Variants in PCDH15 observed in about 807,000 individuals in gnomAD.
The protein encoded by PCDH15 is protocadherin-15.
A neutral mutation model predicts 178.5 loss-of-function variants in PCDH15; 129 were observed. The observed-to-expected ratio is 0.72, with a 90% CI of 0.63 to 0.84. PCDH15 has a LOEUF of 0.84. Among genes scored for constraint, PCDH15 ranks in the 40% least tolerant of loss-of-function variants. The pLI, the probability that PCDH15 is intolerant of heterozygous loss-of-function variation, is 0.00. For missense variants in PCDH15, 2,230 were observed against 2,099.9 expected (o/e 1.06, Z -1.21); for synonymous variants, 800 against 732.0 (o/e 1.09, Z -1.50).
At chr10:55,443,019 A>G (rs949181833) in intron 2 of PCDH15, among the ~76,000 whole-genome samples, 1 of 152,074 alleles carries the variant, frequency 6.6e-6, no homozygotes, top group Admixed American at 6.6e-5. Flanking sequence ...TCATAAATGA[A>G]AAGTGCTAGT....
intron 25 of PCDH15, among the ~76,000 whole-genome samples, chr10:53,923,460 TTC>T (rs1324692488): frequency 6.6e-6 from 1 of 152,232 alleles, no homozygotes; most frequent in African/African-American, 2.4e-5. Flanking sequence ...AATCATAAAA[TTC>T]TGTTTTTGCT....
chr10:54,675,460 G>GTT (rs34250846), intron 1 of PCDH15, among the ~76,000 whole-genome samples: 31 of 118,176 alleles, frequency 2.6e-4, no homozygotes, highest in African/African-American at 7.8e-4. Flanking sequence ...TTTTCATGTT[G>GTT]TTTTTTTTTT....
At chr10:54,057,411 A>C (rs1381283290) in intron 18 of PCDH15, among the ~76,000 whole-genome samples, 1 of 152,172 alleles carries the variant, frequency 6.6e-6, no homozygotes, top group Non-Finnish European at 1.5e-5. Context: ...ACTTCTGTGC[A>C]CCTGCACGAT....
At chr10:53,868,157 G>T (rs2079582275) in intron 26 of PCDH15, among the ~76,000 whole-genome samples, 1 of 151,620 alleles carries the variant, frequency 6.6e-6, no homozygotes, top group South Asian at 2.1e-4. Flanking sequence ...CTTGATAAAA[G>T]ACTATATATA....
At chr10:55,021,392 T>C (rs1840323386) in intron 2 of PCDH15, among the ~76,000 whole-genome samples, 1 of 152,156 alleles carries the variant, frequency 6.6e-6, no homozygotes, top group Admixed American at 6.5e-5. Context: ...CTGAATACTA[T>C]GTGTAAGTTT....
chr10:55,240,705 T>C (rs561714025), intron 1 of PCDH15, among the ~76,000 whole-genome samples: 2 of 152,330 alleles, frequency 1.3e-5, no homozygotes, highest in South Asian at 4.1e-4. Flanking sequence ...TCACCAGAGC[T>C]CTTGCATTTT....
intron 2 of PCDH15, among the ~76,000 whole-genome samples, chr10:55,499,673 A>T (rs1200727015): frequency 6.6e-6 from 1 of 151,552 alleles, no homozygotes. Flanking sequence ...AAAGTAGCCT[A>T]AAAAAAATTC....
intron 1 of PCDH15, among the ~76,000 whole-genome samples, chr10:54,769,316 A>G (rs928270461): frequency 4.1e-5 from 5 of 121,214 alleles, no homozygotes; most frequent in African/African-American, 1.6e-4. Flanking sequence ...CAGAGTACGC[A>G]ATGCCTTTTT....
At chr10:54,772,624 G>A (rs1437619461) in intron 1 of PCDH15, among the ~76,000 whole-genome samples, 2 of 152,058 alleles carry the variant, frequency 1.3e-5, no homozygotes, top group African/African-American at 4.8e-5. Flanking sequence ...AACAGATGCT[G>A]GTGAGGTTGT....
intron 23 of PCDH15, among the ~76,000 whole-genome samples, chr10:53,943,314 A>G (rs2086233540): frequency 6.6e-6 from 1 of 151,924 alleles, no homozygotes; most frequent in African/African-American, 2.4e-5. Flanking sequence ...TATCTCTACT[A>G]AAAATATAAA....
chr10:54,052,533 T>A (rs1410205210), intron 18 of PCDH15, among the ~76,000 whole-genome samples: 3 of 152,228 alleles, frequency 2.0e-5, no homozygotes, highest in Admixed American at 1.3e-4. Context: ...TGCATGTGTT[T>A]ATCCTACGCC....
chr10:54,146,743 A>G (rs2043942723), intron 14 of PCDH15, among the ~76,000 whole-genome samples: 1 of 151,092 alleles, frequency 6.6e-6, no homozygotes. Flanking sequence ...TATGGATGAA[A>G]GCTGTCAATT....
intron 2 of PCDH15, among the ~76,000 whole-genome samples, chr10:54,948,691 C>A (rs1471193911): frequency 6.6e-6 from 1 of 151,858 alleles, no homozygotes; most frequent in Non-Finnish European, 1.5e-5. Flanking sequence ...GTTTATGGGA[C>A]TTGTCAGGCT....
chr10:54,357,129 C>T (rs1158216249), intron 5 of PCDH15, among the ~76,000 whole-genome samples: 1 of 152,228 alleles, frequency 6.6e-6, no homozygotes, highest in Middle Eastern at 3.4e-3. Context: ...CTCACCACTC[C>T]TATTCAACAT....
intron 2 of PCDH15, among the ~76,000 whole-genome samples, chr10:54,531,286 T>G (rs1470585095): frequency 6.6e-6 from 1 of 152,200 alleles, no homozygotes; most frequent in Non-Finnish European, 1.5e-5. Flanking sequence ...ATATCCAATT[T>G]GTGGTAAAGT....
intron 3 of PCDH15, among the ~76,000 whole-genome samples, chr10:54,379,822 A>G (rs1948961431): frequency 6.6e-6 from 1 of 152,116 alleles, no homozygotes; most frequent in South Asian, 2.1e-4. Flanking sequence ...TTATAGATAT[A>G]GAAGAGATGT....
chr10:53,962,291 C>G (rs187538109), intron 21 of PCDH15, among the ~76,000 whole-genome samples: 1 of 152,064 alleles, frequency 6.6e-6, no homozygotes, highest in African/African-American at 2.4e-5. Context: ...TTCCCCATAA[C>G]CTCAAAACTT....
At chr10:55,249,642 A>T (rs989081474) in intron 1 of PCDH15, among the ~76,000 whole-genome samples, 2 of 152,184 alleles carry the variant, frequency 1.3e-5, no homozygotes, top group African/African-American at 2.4e-5. Context: ...TAATTGTTGT[A>T]TTAGTAAGGT....
At position 55,504,201 on chromosome 10, in the gene PCDH15, T is replaced by C. The variant is rs1248397340; in HGVS notation, c.-156+123424A>G. On this transcript the variant is annotated intron_variant, in intron 2 of 5. Coordinates refer to the PCDH15 transcript ENST00000613346. ...TGACATATAATTGTAGATTCATCAA[T>C]TGTAAAATTAAAAAAAAATTAAAAG... 4.0e-5 allele frequency among the ~76,000 whole-genome samples: 6 copies of C among 151,304 alleles called. No individual in the cohort carries two copies. The East Asian group carries it at 9.7e-4, about 25-fold the overall frequency.
Sources: allele counts gnomAD v4.1 joint callset (sites outside exome capture counted in the v4.1 genomes callset), GRCh38; gene constraint gnomAD v4.1.1; transcripts MANE v1.5; gene names NCBI Gene and HGNC (gene_info 2026-07-23, HGNC 2026-07-21).